Variants in ELOVL6 observed in about 807,000 individuals in gnomAD.
ELOVL6 encodes the protein ELOVL fatty acid elongase 6, also known as very long chain fatty acid elongase 6.
In ELOVL6, 8 loss-of-function variants were observed where a neutral mutation model predicts 31.7. The observed-to-expected ratio is 0.25, with a 90% confidence interval of 0.15 to 0.45. The LOEUF is 0.45. Among genes scored for constraint, ELOVL6 ranks in the 20% least tolerant of loss-of-function variants. The probability of loss-of-function intolerance (pLI) is 1.00; values close to 1 mark genes in which losing one functional copy is unlikely to be tolerated. For synonymous variants in ELOVL6, 101 were observed against 117.7 expected (o/e 0.86, Z 0.92); for missense variants, 126 against 326.4 (o/e 0.39, Z 4.73).
chr4:110,179,568 T>C (rs1219764373), intron 1 of ELOVL6, among the ~76,000 whole-genome samples: 4 of 102,430 alleles, frequency 3.9e-5, no homozygotes, highest in Non-Finnish European at 9.7e-5. Context: ...AAAACAAGAA[T>C]ATTTATTTTC....
intron 1 of ELOVL6, among the ~76,000 whole-genome samples, chr4:110,135,424 A>C (rs1327919303): frequency 6.6e-6 from 1 of 152,242 alleles, no homozygotes; most frequent in Non-Finnish European, 1.5e-5. Context: ...CTTCTGTATG[A>C]CTTCAAAGCC....
intron 1 of ELOVL6, among the ~76,000 whole-genome samples, chr4:110,177,030 G>A (rs977637253): frequency 3.3e-4 from 50 of 152,186 alleles, no homozygotes; most frequent in Admixed American, 2.2e-3. Flanking sequence ...CACCACGCCC[G>A]GCCTCTTTGT....
intron 1 of ELOVL6, among the ~76,000 whole-genome samples, chr4:110,158,657 A>ATATATATATATATTTTT: frequency 6.7e-5 from 5 of 74,152 alleles, no homozygotes; most frequent in East Asian, 3.1e-4. Context: ...ATATATATAT[A>ATATATATATATATTTTT]TTTTTTTTTT....
At chr4:110,077,126 G>A (rs1016405872) in intron 2 of ELOVL6, among the ~76,000 whole-genome samples, 3 of 152,218 alleles carry the variant, frequency 2.0e-5, no homozygotes, top group Admixed American at 6.5e-5. Context: ...CGCAGCTCAA[G>A]GAGGCCTGCC....
At chr4:110,057,396 G>C (rs1203380471) in intron 3 of ELOVL6, among the ~76,000 whole-genome samples, 1 of 151,990 alleles carries the variant, frequency 6.6e-6, no homozygotes, top group Non-Finnish European at 1.5e-5. Context: ...TAGCATTCAG[G>C]GGAAATCACG....
chr4:110,059,889 G>T, intron 2 of ELOVL6, 135 bp from the exon 3 acceptor site: 1 of 755,266 alleles, frequency 1.3e-6, no homozygotes, highest in Non-Finnish European at 2.1e-6. Flanking sequence ...TTCCTTGAAA[G>T]CATCTTAAAA....
intron 1 of ELOVL6, among the ~76,000 whole-genome samples, chr4:110,196,707 C>T (rs1006348559): frequency 2.0e-5 from 3 of 152,124 alleles, no homozygotes; most frequent in Non-Finnish European, 4.4e-5. Flanking sequence ...GGGCCAGACG[C>T]GGCCCTTGGG....
chr4:110,106,505 T>TG (rs1283384108), intron 1 of ELOVL6, among the ~76,000 whole-genome samples: 27 of 152,128 alleles, frequency 1.8e-4, no homozygotes, highest in Non-Finnish European at 3.4e-4. Flanking sequence ...CTTTTTAGAC[T>TG]GTATACTGTA....
intron 1 of ELOVL6, among the ~76,000 whole-genome samples, chr4:110,169,858 G>A (rs1758893377): frequency 7.0e-6 from 1 of 142,942 alleles, no homozygotes; most frequent in African/African-American, 2.6e-5. Context: ...CAGGCTGAGT[G>A]CAATGGTGCG....
chr4:110,150,206 T>C (rs1244867802), intron 1 of ELOVL6, among the ~76,000 whole-genome samples: 1 of 152,134 alleles, frequency 6.6e-6, no homozygotes, highest in Non-Finnish European at 1.5e-5. Context: ...GCCACCGTGT[T>C]CAGTCTACTT....
chr4:110,196,691 C>G (rs1200975648), intron 1 of ELOVL6, among the ~76,000 whole-genome samples: 2 of 152,150 alleles, frequency 1.3e-5, no homozygotes, highest in African/African-American at 2.4e-5. Flanking sequence ...TCTTAGGCTC[C>G]GGCTCGGGCC....
chr4:110,096,967 G>T (rs1275097665), intron 2 of ELOVL6, among the ~76,000 whole-genome samples: 1 of 151,968 alleles, frequency 6.6e-6, no homozygotes, highest in Non-Finnish European at 1.5e-5. Context: ...AACTGAACAG[G>T]GGTATCCTGC....
intron 2 of ELOVL6, among the ~76,000 whole-genome samples, chr4:110,093,779 C>G (rs1474991703): frequency 6.6e-6 from 1 of 151,974 alleles, no homozygotes; most frequent in Non-Finnish European, 1.5e-5. Flanking sequence ...AGATAATGAA[C>G]CACAGAAGTA....
At chr4:110,192,519 A>G (rs887770768) in intron 1 of ELOVL6, among the ~76,000 whole-genome samples, 2 of 152,354 alleles carry the variant, frequency 1.3e-5, no homozygotes, top group African/African-American at 2.4e-5. Context: ...TTTACTTCCA[A>G]TGTGAAAAAG....
intron 1 of ELOVL6, chr4:110,147,224 A>T (rs1019368321): frequency 1.6e-5 from 3 of 185,730 alleles, no homozygotes; most frequent in Non-Finnish European, 3.3e-5. Context: ...AACTGAAGAA[A>T]CAAAAACTTA....
intron 1 of ELOVL6, among the ~76,000 whole-genome samples, chr4:110,150,321 TAAAC>T (rs1470233233): frequency 1.3e-5 from 2 of 152,240 alleles, no homozygotes; most frequent in Non-Finnish European, 2.9e-5. Context: ...CTGTCAGACT[TAAAC>T]AGACAGGCGA....
intron 1 of ELOVL6, among the ~76,000 whole-genome samples, chr4:110,151,443 A>C (rs1170692555): frequency 3.3e-5 from 5 of 152,178 alleles, no homozygotes; most frequent in Non-Finnish European, 5.9e-5. Context: ...GTGTCATGTT[A>C]GCACTCAAAA....
At chr4:110,121,657 C>T (rs1163674314) in intron 1 of ELOVL6, among the ~76,000 whole-genome samples, 4 of 152,144 alleles carry the variant, frequency 2.6e-5, no homozygotes, top group East Asian at 1.9e-4. Flanking sequence ...CGAGATTGCG[C>T]CACTGCACTC....
intron 2 of ELOVL6, among the ~76,000 whole-genome samples, chr4:110,086,491 A>C (rs1437090380): frequency 6.6e-6 from 1 of 152,224 alleles, no homozygotes; most frequent in Non-Finnish European, 1.5e-5. Context: ...TCGTACATTT[A>C]TAATATTGCC....
Sources: gnomAD v4.1 joint callset for allele counts (sites outside exome capture counted in the v4.1 genomes callset) on GRCh38, gnomAD v4.1.1 for gene constraint, MANE v1.5 for transcripts, NCBI Gene and HGNC (gene_info 2026-07-23, HGNC 2026-07-21) for gene names.